Variants in PARD3B observed in about 807,000 individuals in gnomAD.
The protein encoded by PARD3B is partitioning defective 3 homolog B.
In PARD3B, 103 loss-of-function variants were observed where a neutral mutation model predicts 130.2. That is an observed-to-expected ratio of 0.79 (90% confidence interval 0.67 to 0.93). PARD3B has a LOEUF of 0.93. Among genes scored for constraint, PARD3B ranks in the 40% least tolerant of loss-of-function variants. The pLI is 0.00. For synonymous variants in PARD3B, 583 were observed against 553.2 expected (o/e 1.05, Z -0.76); for missense variants, 1,609 against 1,499.2 (o/e 1.07, Z -1.21).
chr2:204,636,110 T>A (rs112088984), intron 1 of PARD3B, among the ~76,000 whole-genome samples: 3,009 of 152,196 alleles, frequency 0.02, 104 homozygotes, highest in African/African-American at 0.068. Flanking sequence ...TTTAAATTAA[T>A]TTATGATGTT....
intron 2 of PARD3B, among the ~76,000 whole-genome samples, chr2:204,750,601 CATACAT>C (rs2040423353): frequency 4.6e-5 from 4 of 87,750 alleles, no homozygotes; most frequent in African/African-American, 2.6e-4. Flanking sequence ...TACACACATA[CATACAT>C]ACATACATAC....
intron 22 of PARD3B, among the ~76,000 whole-genome samples, chr2:205,593,472 T>C (rs1427016653): frequency 6.6e-6 from 1 of 152,196 alleles, no homozygotes; most frequent in Non-Finnish European, 1.5e-5. Flanking sequence ...CAAATTTTAG[T>C]TCACTAAACC....
intron 4 of PARD3B, among the ~76,000 whole-genome samples, chr2:205,079,356 A>G (rs1701266194): frequency 6.6e-6 from 1 of 152,202 alleles, no homozygotes; most frequent in Non-Finnish European, 1.5e-5. Flanking sequence ...CGTTTCTCAC[A>G]TTGCTAGAGG....
chr2:204,987,108 A>G (rs1199465536), intron 3 of PARD3B, among the ~76,000 whole-genome samples: 4 of 152,164 alleles, frequency 2.6e-5, no homozygotes, highest in Non-Finnish European at 5.9e-5. Flanking sequence ...ACAACTTCCA[A>G]AGGTGCCTTT....
intron 1 of PARD3B, among the ~76,000 whole-genome samples, chr2:204,592,668 A>G (rs1399921777): frequency 1.3e-5 from 2 of 152,208 alleles, no homozygotes; most frequent in Non-Finnish European, 2.9e-5. Context: ...TGCAGAAATC[A>G]ATGACTTTTA....
intron 18 of PARD3B, among the ~76,000 whole-genome samples, chr2:205,375,167 C>T (rs1294142989): frequency 6.6e-6 from 1 of 152,130 alleles, no homozygotes; most frequent in Non-Finnish European, 1.5e-5. Context: ...ACACTTGTCT[C>T]ATCCAATGAT....
At position 204,997,032 on chromosome 2, in the gene PARD3B, AC is replaced by A. The variant is rs535916288; in HGVS notation, c.394+31712del. 4.3e-3 allele frequency among the ~76,000 whole-genome samples: 657 copies of A among 151,828 alleles called. 4 individuals are homozygous for A. Among genetic ancestry groups the A allele is most frequent in the African/African-American group, 0.015 (615 of 41,378 alleles). ...TACCTCAGATGGAAATGCAGAAATC[AC>A]CCGTCTTCTGCGTCGCTCACGCTGG... On this transcript the variant is annotated intron_variant, in intron 3 of 22. Transcript: ENST00000406610.
chr2:205,023,596 C>T (rs754292392), intron 3 of PARD3B, among the ~76,000 whole-genome samples: 6 of 125,938 alleles, frequency 4.8e-5, no homozygotes, highest in Non-Finnish European at 7.9e-5. Flanking sequence ...TGACCTTGTT[C>T]GCAGTTCCCA....
chr2:205,326,860 G>A (rs2042955414), intron 18 of PARD3B, among the ~76,000 whole-genome samples: 1 of 152,104 alleles, frequency 6.6e-6, no homozygotes, highest in African/African-American at 2.4e-5. Flanking sequence ...TTATCATGTA[G>A]CAAGACAGAA....
Position 204,869,550 on chromosome 2 carries a change from A to G in PARD3B, c.223-95602A>G, listed in dbSNP as rs141254141. Among the ~76,000 whole-genome samples, 952 of 152,264 alleles carry G rather than the reference A, an allele frequency of 6.3e-3. 8 individuals are homozygous for G. The highest frequency in any genetic ancestry group is 0.021 in the African/African-American group (893 of 41,560). On this transcript the variant is annotated intron_variant, in intron 2 of 22. Coordinates refer to ENST00000406610, the MANE Select transcript of PARD3B (RefSeq NM_001302769.2). ...GTATTTGTTTATCTTTACCGAGATT[A>G]TATTTAGGAATACCTAGGAACCTAA...
intron 2 of PARD3B, among the ~76,000 whole-genome samples, chr2:204,747,713 C>A (rs995607372): frequency 1.3e-5 from 2 of 152,078 alleles, no homozygotes; most frequent in African/African-American, 4.8e-5. Context: ...CAGCATGGTA[C>A]TGGTACCAAA....
At chr2:205,369,348 T>C (rs1479438107) in intron 18 of PARD3B, among the ~76,000 whole-genome samples, 2 of 152,160 alleles carry the variant, frequency 1.3e-5, no homozygotes, top group Non-Finnish European at 2.9e-5. Context: ...CCTAGTGTCA[T>C]GGGCTCCTAA....
chr2:204,896,949 T>G (rs1482846177), intron 2 of PARD3B, among the ~76,000 whole-genome samples: 1 of 152,144 alleles, frequency 6.6e-6, no homozygotes, highest in African/African-American at 2.4e-5. Context: ...TAGTAGTAAA[T>G]TGCATCTGTA....
intron 1 of PARD3B, among the ~76,000 whole-genome samples, chr2:204,681,698 C>T (rs550090943): frequency 6.6e-6 from 1 of 152,182 alleles, no homozygotes; most frequent in East Asian, 1.9e-4. Context: ...TACTCAGAGG[C>T]TCCTGTTCTC....
intron 1 of PARD3B, among the ~76,000 whole-genome samples, chr2:204,605,652 T>C (rs1412176970): frequency 1.3e-5 from 2 of 152,138 alleles, no homozygotes; most frequent in African/African-American, 4.8e-5. Context: ...TCTGGGTTCG[T>C]GTCTTGGTTT....
At chr2:205,511,634 G>A (rs13021171) in intron 21 of PARD3B, among the ~76,000 whole-genome samples, 11,532 of 152,198 alleles carry the variant, frequency 0.076, 452 homozygotes, top group South Asian at 0.089. Context: ...TCTCAAAGCT[G>A]TTTAAAATCA....
chr2:205,210,684 G>A (rs968572427), intron 15 of PARD3B, among the ~76,000 whole-genome samples: 9 of 151,978 alleles, frequency 5.9e-5, no homozygotes, highest in East Asian at 1.9e-4. Flanking sequence ...AGTTTTGCTC[G>A]TATCAGCAGT....
At chr2:205,145,942 A>G (rs1452858153) in intron 10 of PARD3B, among the ~76,000 whole-genome samples, 1 of 151,644 alleles carries the variant, frequency 6.6e-6, no homozygotes, top group Non-Finnish European at 1.5e-5. Context: ...TCCAAGTTTT[A>G]GAGGGAGCCA....
At chr2:205,560,984 A>G (rs1403341460) in intron 22 of PARD3B, among the ~76,000 whole-genome samples, 1 of 152,220 alleles carries the variant, frequency 6.6e-6, no homozygotes. Flanking sequence ...CAGTTGGTTC[A>G]TTTTATTGGT....
Sources: allele counts gnomAD v4.1 joint callset (sites outside exome capture counted in the v4.1 genomes callset), GRCh38; gene constraint gnomAD v4.1.1; transcripts MANE v1.5; gene names NCBI Gene and HGNC (gene_info 2026-07-23, HGNC 2026-07-21).